POLN: variants seen among roughly 807,000 people sequenced by gnomAD.
The protein encoded by POLN is DNA polymerase N.
POLN carries 108 observed loss-of-function variants against 113.5 expected under a neutral mutation model. That is an observed-to-expected ratio of 0.95 (90% CI 0.81 to 1.12). The LOEUF (loss-of-function observed/expected upper bound fraction) is 1.12. Ranked by LOEUF, POLN falls within the 50% of genes most tolerant of loss-of-function variation. The probability of loss-of-function intolerance (pLI) is 0.00; values close to 1 mark genes in which losing one functional copy is unlikely to be tolerated. For missense variants in POLN, 1,097 were observed against 1,077.1 expected (o/e 1.02, Z -0.26); for synonymous variants, 386 against 391.5 (o/e 0.99, Z 0.17).
At chr4:2,150,591 A>G (rs1449113411) in intron 16 of POLN, among the ~76,000 whole-genome samples, 1 of 152,188 alleles carries the variant, frequency 6.6e-6, no homozygotes, top group Non-Finnish European at 1.5e-5. Flanking sequence ...TTAAAACCTT[A>G]CTCGAAAGCT....
In POLN at chr4:2,171,152, A is replaced by G; in HGVS notation, c.1404T>C (p.Ala468=). 2 of 1,613,782 alleles carry G rather than the reference A, an allele frequency of 1.2e-6. No homozygotes were observed. The highest frequency in any genetic ancestry group is 1.7e-5 in the Admixed American group (1 of 59,952). ...GAAACCGTTCTCCTGCAACAAAATG[A>G]GCTTCTTGCTCCAATTCCTTGAGAC... The part of the protein sequence containing the change: ...GARLKELEQE[A]HFVAGERFLI... The change falls in exon 12 of 26, where the codon GCT becomes GCC. Residue 468 remains alanine (A), a synonymous_variant. Transcript: ENST00000511885.
At position 2,167,152 on chromosome 4, in the gene POLN, G is replaced by A. The variant is rs191415072; in HGVS notation, c.1554+3527C>T. Among the ~76,000 whole-genome samples, 724 of 152,264 alleles carry A rather than the reference G, an allele frequency of 4.8e-3. 2 individuals are homozygous for A. The highest frequency in any genetic ancestry group is 8.4e-3 in the Non-Finnish European group (571 of 68,028). On this transcript the variant is annotated intron_variant, in intron 13 of 25. Coordinates refer to ENST00000511885, the MANE Select transcript of POLN (RefSeq NM_181808.4). Reference sequence around the variant, plus strand: ...GCTCACGGCTGTATCCCACATACTGGATGCCCAGCAGTGGGTCAGTGCACA... The same window carrying A: ...GCTCACGGCTGTATCCCACATACTGAATGCCCAGCAGTGGGTCAGTGCACA...
intron 16 of POLN, among the ~76,000 whole-genome samples, chr4:2,148,675 A>ACC (rs1732213938): frequency 1.5e-4 from 19 of 127,662 alleles, no homozygotes; most frequent in African/African-American, 5.9e-4. Context: ...CCCCCCCCAA[A>ACC]AAAAAAAAGT....
intron 2 of POLN, among the ~76,000 whole-genome samples, chr4:2,237,178 T>A (rs1016020821): frequency 3.9e-5 from 6 of 152,066 alleles, no homozygotes; most frequent in Non-Finnish European, 7.4e-5. Context: ...AGGCTATGGC[T>A]CATGCCTGTA....
chr4:2,170,603 G>T (rs1344842033), intron 13 of POLN, 76 bp downstream of exon 13: 2 of 1,257,240 alleles, frequency 1.6e-6, no homozygotes, highest in African/African-American at 1.5e-5. Flanking sequence ...GTCTCGGGTG[G>T]GTCTGAAGGT....
chr4:2,091,596 A>C (rs547955818), intron 20 of POLN, among the ~76,000 whole-genome samples: 15 of 152,078 alleles, frequency 9.9e-5, no homozygotes, highest in Non-Finnish European at 1.6e-4. Flanking sequence ...CTTTTCATAG[A>C]ACTTGTCCCC....
At chr4:2,090,850 C>T (rs930536720) in intron 20 of POLN, among the ~76,000 whole-genome samples, 1 of 152,304 alleles carries the variant, frequency 6.6e-6, no homozygotes, top group African/African-American at 2.4e-5. Flanking sequence ...AGGGGTCAGC[C>T]AAGGATCTGA....
At chr4:2,161,374 G>A (rs1177185999) in intron 13 of POLN, among the ~76,000 whole-genome samples, 2 of 152,210 alleles carry the variant, frequency 1.3e-5, no homozygotes, top group Non-Finnish European at 2.9e-5. Context: ...GCAGCCAGCC[G>A]GCCCTGCTAG....
chr4:2,140,628 A>G lies in POLN; in HGVS notation c.1732-9338T>C, dbSNP rs192884459. Among the ~76,000 whole-genome samples the G allele has an allele frequency of 6.2e-3, 944 of 152,070 alleles. 3 individuals carry two copies. The highest frequency in any genetic ancestry group is 9.0e-3 in the Non-Finnish European group (614 of 67,968). ...CAGGTATGGTGGTTGTACATCTGTA[A>G]TCCCAGCTACTCAGGAGGCTGAGGC... On this transcript the variant is annotated intron_variant, in intron 16 of 25. Coordinates refer to ENST00000511885, the MANE Select transcript of POLN (RefSeq NM_181808.4).
chr4:2,201,891 C>A (rs1733725252), intron 5 of POLN, among the ~76,000 whole-genome samples: 1 of 152,082 alleles, frequency 6.6e-6, no homozygotes, highest in South Asian at 2.1e-4. Flanking sequence ...TCTTCAGCCT[C>A]CTTAAACAAA....
intron 7 of POLN, among the ~76,000 whole-genome samples, chr4:2,181,543 C>T (rs7676502): frequency 7.3e-5 from 11 of 151,360 alleles, no homozygotes; most frequent in African/African-American, 2.2e-4. Context: ...AAAGAAATGA[C>T]GAAACTGAAA....
intron 20 of POLN, chr4:2,088,791 T>A: frequency 7.4e-7 from 1 of 1,357,564 alleles, no homozygotes; most frequent in Non-Finnish European, 1.0e-6. Flanking sequence ...AATGGTATTA[T>A]CGCTACAAGA....
At chr4:2,203,196 A>G (rs956612865) in intron 5 of POLN, among the ~76,000 whole-genome samples, 1 of 152,220 alleles carries the variant, frequency 6.6e-6, no homozygotes, top group African/African-American at 2.4e-5. Flanking sequence ...TCCAAAAGGA[A>G]CCTTCAAAAC....
intron 16 of POLN, among the ~76,000 whole-genome samples, chr4:2,151,055 T>A (rs1456923025): frequency 6.6e-6 from 1 of 152,208 alleles, no homozygotes; most frequent in Non-Finnish European, 1.5e-5. Context: ...AGAAAATATC[T>A]GCCAAGAATA....
Position 2,133,257 on chromosome 4 carries a change from A to G in POLN, c.1732-1967T>C, listed in dbSNP as rs371923482. 4.5e-4 allele frequency among the ~76,000 whole-genome samples: 68 copies of G among 152,208 alleles called. No homozygotes were observed. In the South Asian group the frequency reaches 0.013, roughly 29 times the overall value. ...GCAGCCACTATGGAAAACAATATGG[A>G]GGTTCCTCAAAAAAAGAAAAATTAA... On this transcript the variant is annotated intron_variant, in intron 16 of 25. Coordinates refer to ENST00000511885, the MANE Select transcript of POLN (RefSeq NM_181808.4).
intron 17 of POLN, among the ~76,000 whole-genome samples, chr4:2,130,236 ACT>A (rs1194809408): frequency 1.4e-5 from 2 of 145,362 alleles, no homozygotes; most frequent in Non-Finnish European, 3.0e-5. Flanking sequence ...ACAGAGCGAG[ACT>A]CTGTCTCAAA....
At chr4:2,228,373 T>TA (rs1313491994) in intron 3 of POLN, 5 of 228,256 alleles carry the variant, frequency 2.2e-5, no homozygotes, top group African/African-American at 1.2e-4. Context: ...TTTTTTGAGA[T>TA]AGAGTCTCAC....
At chr4:2,138,772 C>T (rs1317034471) in intron 16 of POLN, among the ~76,000 whole-genome samples, 2 of 151,912 alleles carry the variant, frequency 1.3e-5, no homozygotes, top group African/African-American at 4.8e-5. Context: ...TGTGGTGGTG[C>T]ATGTCTGTAA....
At chr4:2,185,007 C>CCAAA (rs1462037484) in intron 7 of POLN, among the ~76,000 whole-genome samples, 2 of 152,058 alleles carry the variant, frequency 1.3e-5, no homozygotes, top group Non-Finnish European at 2.9e-5. Context: ...ATGAAGTGTA[C>CCAAA]TTAGGGTAAC....
Sources: gnomAD v4.1 joint callset for allele counts (sites outside exome capture counted in the v4.1 genomes callset) on GRCh38, gnomAD v4.1.1 for gene constraint, MANE v1.5 for transcripts, NCBI Gene and HGNC (gene_info 2026-07-23, HGNC 2026-07-21) for gene names.